The following GRIK4 variants were observed in gnomAD, a reference collection of about 807,000 sequenced individuals.
GRIK4 encodes glutamate receptor ionotropic, kainate 4.
In GRIK4, 40 loss-of-function variants were observed where a neutral mutation model predicts 104.9. The observed-to-expected ratio is 0.38, with a 90% CI of 0.30 to 0.50. The LOEUF (loss-of-function observed/expected upper bound fraction) is 0.50, where lower values mean the gene tolerates loss of function less well. Among genes scored for constraint, GRIK4 ranks in the 20% least tolerant of loss-of-function variants. The pLI is 0.93. For missense variants in GRIK4, 1,047 were observed against 1,308.1 expected, an observed-to-expected ratio of 0.80 and a Z score of 3.08; for synonymous variants, 485 against 524.9, an observed-to-expected ratio of 0.92 and a Z score of 1.04.
intron 13 of GRIK4, among the ~76,000 whole-genome samples, chr11:120,928,186 C>A (rs1943395291): frequency 6.9e-6 from 1 of 144,398 alleles, no homozygotes; most frequent in Admixed American, 7.3e-5. Context: ...TGCACTCCAG[C>A]CTGGGAGACA....
chr11:120,535,790 C>T (rs1272913160), intron 1 of GRIK4, among the ~76,000 whole-genome samples: 1 of 152,230 alleles, frequency 6.6e-6, no homozygotes, highest in African/African-American at 2.4e-5. Context: ...TGCACATTTG[C>T]ATTGCTGCAC....
chr11:120,803,928 T>C (rs935403464), intron 4 of GRIK4, among the ~76,000 whole-genome samples: 1 of 152,236 alleles, frequency 6.6e-6, no homozygotes, highest in Non-Finnish European at 1.5e-5. Context: ...CTCAAAGCCA[T>C]TGAATCATTT....
chr11:120,517,850 A>G (rs1421093068), intron 1 of GRIK4, among the ~76,000 whole-genome samples: 2 of 152,074 alleles, frequency 1.3e-5, no homozygotes, highest in Non-Finnish European at 2.9e-5. Context: ...ACAGGTTTAG[A>G]ATTGGAGTTT....
intron 1 of GRIK4, among the ~76,000 whole-genome samples, chr11:120,528,424 A>G (rs1266551965): frequency 6.6e-6 from 1 of 152,104 alleles, no homozygotes; most frequent in Non-Finnish European, 1.5e-5. Context: ...TAATTTTTTT[A>G]TATTAAGTCT....
chr11:120,535,475 A>C (rs1199799961), intron 1 of GRIK4, among the ~76,000 whole-genome samples: 3 of 151,982 alleles, frequency 2.0e-5, no homozygotes, highest in Non-Finnish European at 4.4e-5. Context: ...AGGATCCTGG[A>C]GCAGTGCTGA....
rs572164914 is a variant in GRIK4 at position 120,585,593 on chromosome 11, A to G, written c.-158-68092A>G. The stretch of plus-strand genomic sequence containing the variant: ...TCTAATTTATTATTTTTTCTTTTAT[A>G]CATTGTACTTTTGGTATTGTATCTG... On this transcript the variant is annotated intron_variant, in intron 1 of 20. Transcript: ENST00000527524. Among the ~76,000 whole-genome samples the G allele has an allele frequency of 2.6e-5, 4 of 152,186 alleles. No homozygotes were observed. In the East Asian group the frequency reaches 5.8e-4, roughly 22 times the overall value.
chr11:120,713,307 G>A (rs941429869), intron 3 of GRIK4, among the ~76,000 whole-genome samples: 3 of 152,130 alleles, frequency 2.0e-5, no homozygotes. Context: ...GACATGCTAA[G>A]CACACCCCCT....
intron 3 of GRIK4, among the ~76,000 whole-genome samples, chr11:120,777,697 G>A (rs551045311): frequency 6.6e-6 from 1 of 152,354 alleles, no homozygotes; most frequent in South Asian, 2.1e-4. Flanking sequence ...AGCACTTTGG[G>A]AGGCCAAGGC....
chr11:120,639,124 G>A (rs1949437255), intron 1 of GRIK4, among the ~76,000 whole-genome samples: 2 of 152,062 alleles, frequency 1.3e-5, no homozygotes, highest in African/African-American at 4.8e-5. Context: ...GAACCATGAA[G>A]CGGAGGTTGC....
In GRIK4 at chr11:120,953,276, C is replaced by T. The variant is rs1425310372; in HGVS notation, c.1700+312C>T. On this transcript the variant is annotated intron_variant, in intron 15 of 20. Coordinates refer to ENST00000527524, the MANE Select transcript of GRIK4 (RefSeq NM_014619.5). This position sits in a 1 kb window ranked among gnomAD's most constrained non-coding sequence, Gnocchi z 4.9. ...TAAGCCCCTTGCTTGTGTAGGAGCC[C>T]TGGGAAGAGAGGAGGGGTGGGGTTG... 6.6e-6 allele frequency among the ~76,000 whole-genome samples: 1 copy of T among 152,132 alleles called. No homozygotes were observed. The highest frequency in any genetic ancestry group is 2.4e-5 in the African/African-American group (1 of 41,420).
Position 120,987,116 on chromosome 11 carries a change from A to G in GRIK4, c.*856A>G, listed in dbSNP as rs1166432341. ...TCCCTTTCTCTTTCTGACTGTCACT[A>G]TTACTGGGTTTGATTTGATCTTTTT... On this transcript the variant is annotated 3_prime_UTR_variant, in exon 21 of 21. Transcript: ENST00000527524. The G allele has an allele frequency of 6.6e-6, 1 of 152,222 alleles. No homozygotes were observed. The highest frequency in any genetic ancestry group is 1.5e-5 in the Non-Finnish European group (1 of 68,064). The allele number at this position is 152,222 out of a possible 1,614,324, so 9.4% of individuals were successfully genotyped here. A position where few individuals can be genotyped will look rare whatever the true frequency, so the allele number is the denominator to read the frequency against.
At chr11:120,618,828 G>A (rs1382336420) in intron 1 of GRIK4, among the ~76,000 whole-genome samples, 1 of 152,242 alleles carries the variant, frequency 6.6e-6, no homozygotes, top group Non-Finnish European at 1.5e-5. Context: ...CTAGATTTTG[G>A]AGGATGTATG....
At chr11:120,644,726 G>C (rs1949519183) in intron 1 of GRIK4, among the ~76,000 whole-genome samples, 1 of 152,124 alleles carries the variant, frequency 6.6e-6, no homozygotes, top group Non-Finnish European at 1.5e-5. Context: ...AAGGCGAAGG[G>C]GTTGCCCTTC....
intron 1 of GRIK4, among the ~76,000 whole-genome samples, chr11:120,541,598 A>T (rs1426845944): frequency 6.6e-6 from 1 of 151,608 alleles, no homozygotes; most frequent in Admixed American, 6.6e-5. Context: ...GGCTCAAGTG[A>T]TCTCTCATCT....
At chr11:120,672,030 T>C (rs1195355219) in intron 3 of GRIK4, among the ~76,000 whole-genome samples, 1 of 152,236 alleles carries the variant, frequency 6.6e-6, no homozygotes, top group Admixed American at 6.5e-5. Context: ...TACTGTAGCC[T>C]TGTAGTATAG....
chr11:120,970,145 G>A (rs138947324), intron 19 of GRIK4, among the ~76,000 whole-genome samples: 1 of 152,154 alleles, frequency 6.6e-6, no homozygotes, highest in African/African-American at 2.4e-5. Context: ...TCATGCTAAC[G>A]TGACTCATGA....
intron 1 of GRIK4, among the ~76,000 whole-genome samples, chr11:120,608,036 C>T (rs920172463): frequency 6.6e-6 from 1 of 152,142 alleles, no homozygotes; most frequent in Non-Finnish European, 1.5e-5. Context: ...GGGGCTTTTG[C>T]AGGGAATGTT....
intron 1 of GRIK4, among the ~76,000 whole-genome samples, chr11:120,651,714 A>G (rs1234135864): frequency 6.6e-6 from 1 of 152,124 alleles, no homozygotes; most frequent in Admixed American, 6.5e-5. Context: ...GCTGTATCCT[A>G]ACTCATCACA....
At position 120,733,500 on chromosome 11, in the gene GRIK4, TG is replaced by T. The variant is rs200672455; in HGVS notation, c.83-69185del. On this transcript the variant is annotated intron_variant, in intron 3 of 20. Coordinates refer to ENST00000527524, the MANE Select transcript of GRIK4 (RefSeq NM_014619.5). ...TTTTTGTGTATCTGTTGTATTTTTT[TG>T]GGGGGGGAGCTTACCATAAGGTTTG... is the stretch of plus-strand genomic sequence containing the variant. Among the ~76,000 whole-genome samples the T allele has an allele frequency of 6.1e-3, 921 of 151,644 alleles. 6 individuals are homozygous for T. Among genetic ancestry groups the T allele is most frequent in the African/African-American group, 0.016 (655 of 41,334 alleles).
Sources: allele counts gnomAD v4.1 joint callset (sites outside exome capture counted in the v4.1 genomes callset), GRCh38; gene constraint gnomAD v4.1.1; non-coding constraint Gnocchi (gnomAD v3.1); transcripts MANE v1.5; gene names NCBI Gene and HGNC (gene_info 2026-07-23, HGNC 2026-07-21).